The following KCNN2 variants were observed in gnomAD, a reference collection of about 807,000 sequenced individuals.
The protein encoded by KCNN2 is potassium calcium-activated channel subfamily N member 2.
KCNN2 carries 24 observed loss-of-function variants against 55.5 expected under a neutral mutation model. The ratio of observed to expected loss-of-function variants is 0.43; its 90% confidence interval spans 0.31 to 0.61. The LOEUF is 0.61. Ranked by LOEUF, KCNN2 falls within the 20% of genes least tolerant of loss-of-function variation. The probability of loss-of-function intolerance (pLI) is 0.08; values close to 1 mark genes in which losing one functional copy is unlikely to be tolerated. For synonymous variants in KCNN2, 431 were observed against 336.1 expected (o/e 1.28, Z -3.09); for missense variants, 754 against 853.6 (o/e 0.88, Z 1.45).
intron 7 of KCNN2, among the ~76,000 whole-genome samples, chr5:114,495,521 G>C (rs949242894): frequency 1.3e-5 from 2 of 151,932 alleles, no homozygotes; most frequent in African/African-American, 4.8e-5. Flanking sequence ...AATTACCCTT[G>C]CCCTAATTAA....
In KCNN2 at chr5:114,085,942, A is replaced by G. The variant is rs375527157; in HGVS notation, c.-271+29442A>G. Reference sequence around the variant, plus strand: ...ACATACACACTGAGGATTCTTATGAATTTTTGATGAATGGACTCTTTTTTC... The same window carrying G: ...ACATACACACTGAGGATTCTTATGAGTTTTTGATGAATGGACTCTTTTTTC... On this transcript the variant is annotated intron_variant, in intron 1 of 10. Coordinates refer to the KCNN2 transcript ENST00000512097. 1.1e-4 allele frequency among the ~76,000 whole-genome samples: 16 copies of G among 152,202 alleles called. No homozygotes were observed. The East Asian group carries it at 3.1e-3, about 29-fold the overall frequency.
chr5:114,227,582 C>G (rs1754262047), intron 2 of KCNN2, among the ~76,000 whole-genome samples: 1 of 152,202 alleles, frequency 6.6e-6, no homozygotes, highest in South Asian at 2.1e-4. Flanking sequence ...AGAGCACCAT[C>G]ATTGTGCCTT....
At chr5:114,189,133 A>AGTGT (rs34640722) in intron 1 of KCNN2, among the ~76,000 whole-genome samples, 7,224 of 149,764 alleles carry the variant, frequency 0.048, 253 homozygotes, top group African/African-American at 0.1. Flanking sequence ...TAGAACCAAT[A>AGTGT]GTGTGTGTGT....
intron 2 of KCNN2, among the ~76,000 whole-genome samples, chr5:114,276,641 A>C (rs935926282): frequency 7.0e-6 from 1 of 143,006 alleles, no homozygotes; most frequent in African/African-American, 2.6e-5. Context: ...ATCAGAGACC[A>C]GTATTGCAAC....
At chr5:114,411,614 G>C (rs930164757) in intron 3 of KCNN2, among the ~76,000 whole-genome samples, 1 of 152,152 alleles carries the variant, frequency 6.6e-6, no homozygotes, top group Non-Finnish European at 1.5e-5. Context: ...CACAGGACAG[G>C]AGTCTGAAGT....
intron 2 of KCNN2, among the ~76,000 whole-genome samples, chr5:114,291,011 A>G (rs568525791): frequency 6.6e-6 from 1 of 152,254 alleles, no homozygotes; most frequent in Admixed American, 6.5e-5. Flanking sequence ...TGGTCTATCC[A>G]GGAGAATGTT....
At chr5:114,157,766 G>T (rs1368573529) in intron 1 of KCNN2, among the ~76,000 whole-genome samples, 1 of 151,968 alleles carries the variant, frequency 6.6e-6, no homozygotes, top group Admixed American at 6.6e-5. Context: ...GTGATGATGA[G>T]CATTTTTTCA....
At chr5:114,416,563 G>A (rs1376880112) in intron 3 of KCNN2, among the ~76,000 whole-genome samples, 1 of 152,140 alleles carries the variant, frequency 6.6e-6, no homozygotes, top group Non-Finnish European at 1.5e-5. Context: ...TCATAGGGAT[G>A]TGGCAATTGA....
chr5:114,283,975 A>G (rs1439419466), intron 2 of KCNN2, among the ~76,000 whole-genome samples: 2 of 152,192 alleles, frequency 1.3e-5, no homozygotes, highest in East Asian at 3.9e-4. Context: ...CATTTCCACA[A>G]GAATAGGCAC....
chr5:114,180,241 C>G (rs969795655), intron 1 of KCNN2, among the ~76,000 whole-genome samples: 1 of 152,052 alleles, frequency 6.6e-6, no homozygotes, highest in African/African-American at 2.4e-5. Flanking sequence ...AATTTGAGCT[C>G]GTGATCTTCT....
chr5:114,273,617 T>A (rs966646990), intron 2 of KCNN2, among the ~76,000 whole-genome samples: 1 of 152,242 alleles, frequency 6.6e-6, no homozygotes, highest in African/African-American at 2.4e-5. Flanking sequence ...ATGATGAGCA[T>A]TTTTTCATGT....
Position 114,363,927 on chromosome 5 carries a change from C to G in KCNN2, c.1144C>G (p.Leu382Val), listed in dbSNP as rs1561588079. 1 of 1,614,012 alleles carries G rather than the reference C, an allele frequency of 6.2e-7. No individual in the cohort carries two copies. The highest frequency in any genetic ancestry group is 1.1e-5 in the South Asian group (1 of 91,080). ...GCAGGCGTCGCTGTATTCCTTAGCT[C>G]TGAAATGCCTTATCAGTCTCTCCAC... is the stretch of plus-strand genomic sequence containing the variant. ...YDKASLYSLALKCLISLSTII... is the reference protein window; with the variant it reads ...YDKASLYSLAVKCLISLSTII... The change falls in exon 2 of 8, where the codon CTG (leucine) becomes GTG (valine). Residue 382 changes from leucine (L) to valine (V), a missense_variant. This residue lies in a region of KCNN2 where 123 missense variants were observed against 204.9 expected (regional missense o/e 0.60). Transcript: ENST00000673685.
intron 2 of KCNN2, among the ~76,000 whole-genome samples, chr5:114,270,445 G>A (rs7721408): frequency 0.98 from 149,312 of 152,256 alleles, 73,280 homozygotes; most frequent in Non-Finnish European, 1. Context: ...GATATATATG[G>A]AGCTGAAATG....
chr5:114,316,853 A>G (rs1756511348), intron 2 of KCNN2, among the ~76,000 whole-genome samples: 1 of 152,212 alleles, frequency 6.6e-6, no homozygotes, highest in African/African-American at 2.4e-5. Flanking sequence ...ATATAAGTAT[A>G]GTCAGTCATA....
chr5:114,322,071 A>T (rs1159490556), intron 2 of KCNN2, among the ~76,000 whole-genome samples: 1 of 152,236 alleles, frequency 6.6e-6, no homozygotes, highest in Non-Finnish European at 1.5e-5. Context: ...AGACAACTGG[A>T]AGTTCTCTCC....
intron 3 of KCNN2, among the ~76,000 whole-genome samples, chr5:114,430,923 C>G (rs1421884723): frequency 1.3e-5 from 2 of 152,002 alleles, no homozygotes; most frequent in Non-Finnish European, 2.9e-5. Context: ...TTGAACTAGC[C>G]TTGTATGCTC....
chr5:114,237,851 G>A (rs1754535620), intron 2 of KCNN2, among the ~76,000 whole-genome samples: 1 of 152,152 alleles, frequency 6.6e-6, no homozygotes, highest in Non-Finnish European at 1.5e-5. Context: ...TTTACTCCAC[G>A]AGGTGACTCA....
intron 2 of KCNN2, among the ~76,000 whole-genome samples, chr5:114,383,622 C>T (rs1758194586): frequency 6.6e-6 from 1 of 152,092 alleles, no homozygotes; most frequent in Non-Finnish European, 1.5e-5. Flanking sequence ...GCGGGCGCAG[C>T]CATGCTGGCT....
At chr5:114,381,558 C>T (rs1383323364) in intron 2 of KCNN2, among the ~76,000 whole-genome samples, 1 of 152,198 alleles carries the variant, frequency 6.6e-6, no homozygotes, top group Non-Finnish European at 1.5e-5. Context: ...CTTCTCTGGG[C>T]CCGCTTGTGT....
Sources: allele counts gnomAD v4.1 joint callset (sites outside exome capture counted in the v4.1 genomes callset), GRCh38; gene constraint gnomAD v4.1.1; regional missense constraint gnomAD v4.1.1; transcripts MANE v1.5; gene names NCBI Gene and HGNC (gene_info 2026-07-23, HGNC 2026-07-21).